The following SLC35H1 variants were observed in gnomAD, a reference collection of about 807,000 sequenced individuals.
The protein encoded by SLC35H1 is ovarian cancer-overexpressed gene 1 protein.
chr20:46,358,660 C>T, the SLC35H1 span: 4 of 1,552,524 alleles, frequency 2.6e-6, no homozygotes, highest in East Asian at 2.4e-5. Context: ...TGATTCGGAA[C>T]CATCAGCAGA....
At chr20:46,346,977 A>T in the SLC35H1 span, 1 of 152,020 alleles carries the variant, frequency 6.6e-6, no homozygotes, top group Non-Finnish European at 1.5e-5. Flanking sequence ...CAGAGCTCCA[A>T]CGCTGGCTCC....
the SLC35H1 span, among the ~76,000 whole-genome samples, chr20:46,353,840 G>A: frequency 2.1e-3 from 323 of 151,954 alleles, 1 homozygote; most frequent in African/African-American, 7.5e-3. Flanking sequence ...ATGAAGGAGT[G>A]GGGAGAGATT....
the SLC35H1 span, among the ~76,000 whole-genome samples, chr20:46,359,939 C>T: frequency 6.6e-6 from 1 of 152,186 alleles, no homozygotes; most frequent in Admixed American, 6.5e-5. Flanking sequence ...TTCCCCTCCC[C>T]GGGGCAAACA....
At chr20:46,353,827 A>G in the SLC35H1 span, among the ~76,000 whole-genome samples, 1 of 151,996 alleles carries the variant, frequency 6.6e-6, no homozygotes, top group African/African-American at 2.4e-5. Context: ...ACAAGGGGGC[A>G]TAATGAAGGA....
chr20:46,358,449 G>C, the SLC35H1 span: 30 of 1,614,090 alleles, frequency 1.9e-5, no homozygotes, highest in African/African-American at 4.0e-4. Context: ...AGAAGCACCA[G>C]CCCCAGGGTC....
chr20:46,351,037 AGGGGACCCGGCCG>A, the SLC35H1 span: 3 of 1,076,166 alleles, frequency 2.8e-6, no homozygotes, highest in Admixed American at 7.6e-5. Context: ...CAGAGAGGTC[AGGGGACCCGGCCG>A]GCTTGCGGCG....
the SLC35H1 span, chr20:46,352,087 G>A: frequency 6.2e-7 from 1 of 1,614,232 alleles, no homozygotes; most frequent in African/African-American, 1.3e-5. Context: ...TGAGGCTGGA[G>A]GTTCTGGAGA....
the SLC35H1 span, among the ~76,000 whole-genome samples, chr20:46,357,435 G>A: frequency 6.6e-6 from 1 of 152,234 alleles, no homozygotes; most frequent in Non-Finnish European, 1.5e-5. Context: ...TGGGGCAGTG[G>A]GAAGGCACGC....
chr20:46,358,709 G>A, the SLC35H1 span: 3 of 1,550,782 alleles, frequency 1.9e-6, no homozygotes, highest in Admixed American at 5.9e-5. Flanking sequence ...CTGGTGGCTG[G>A]TGCTGACCCT....
At chr20:46,360,361 C>T in the SLC35H1 span, among the ~76,000 whole-genome samples, 2 of 152,100 alleles carry the variant, frequency 1.3e-5, no homozygotes, top group Admixed American at 6.5e-5. Flanking sequence ...TTTCGAGGTG[C>T]GACACAACAC....
the SLC35H1 span, chr20:46,358,845 G>A: frequency 1.1e-6 from 1 of 905,856 alleles, no homozygotes; most frequent in Non-Finnish European, 1.7e-6. Flanking sequence ...AAGGCTGCGT[G>A]ACTCAGGGCT....
chr20:46,358,193 G>C, the SLC35H1 span, among the ~76,000 whole-genome samples: 1 of 152,172 alleles, frequency 6.6e-6, no homozygotes, highest in Non-Finnish European at 1.5e-5. Flanking sequence ...GCTCTCCTTG[G>C]TTTCCCTGGA....
At chr20:46,352,780 T>TGGGATGATGGGGACCCTAGC in the SLC35H1 span, 1 of 151,878 alleles carries the variant, frequency 6.6e-6, no homozygotes, top group Non-Finnish European at 1.5e-5. Flanking sequence ...GAGATCCTAG[T>TGGGATGATGGGGACCCTAGC]GGGATGATGG....
the SLC35H1 span, chr20:46,347,240 A>G: frequency 1.3e-5 from 2 of 152,276 alleles, no homozygotes; most frequent in African/African-American, 2.4e-5. Context: ...CGGCGTCTGC[A>G]GGTTGTATCC....
At chr20:46,354,833 C>T in the SLC35H1 span, 1 of 1,488,192 alleles carries the variant, frequency 6.7e-7, no homozygotes, top group South Asian at 1.2e-5. Flanking sequence ...GGGCGAGGAT[C>T]TGTGGTCTGC....
the SLC35H1 span, chr20:46,358,945 G>A: frequency 1.6e-6 from 1 of 609,332 alleles, no homozygotes; most frequent in African/African-American, 1.8e-5. Flanking sequence ...TCCATGAACT[G>A]CCACCAAAGT....
At chr20:46,352,147 G>A in the SLC35H1 span, 32 of 1,614,128 alleles carry the variant, frequency 2.0e-5, no homozygotes, top group South Asian at 3.4e-4. Context: ...TCCCGCCAAG[G>A]AAGAGGCTCC....
At chr20:46,355,244 GGTA>G in the SLC35H1 span, 3 of 1,611,794 alleles carry the variant, frequency 1.9e-6, no homozygotes, top group Admixed American at 5.0e-5. The surrounding 1 kb of genome is among the most constrained non-coding windows in gnomAD (Gnocchi z 4.8). Flanking sequence ...GCCGCGCGCT[GGTA>G]GGATGGGGAG....
the SLC35H1 span, among the ~76,000 whole-genome samples, chr20:46,354,006 CG>C: frequency 1.4e-4 from 21 of 152,064 alleles, no homozygotes; most frequent in Non-Finnish European, 2.6e-4. Context: ...GCATTACAGA[CG>C]GGACTCTGGG....
Sources: gnomAD v4.1 joint callset for allele counts (sites outside exome capture counted in the v4.1 genomes callset) on GRCh38, gnomAD v4.1.1 for gene constraint, Gnocchi (gnomAD v3.1) non-coding constraint, MANE v1.5 for transcripts, NCBI Gene and HGNC (gene_info 2026-07-23, HGNC 2026-07-21) for gene names.